The following SEZ6 variants were observed in gnomAD, a reference collection of about 807,000 sequenced individuals.
The protein encoded by SEZ6 is seizure protein 6 homolog.
A neutral mutation model predicts 101.0 loss-of-function variants in SEZ6; 53 were observed. The observed-to-expected ratio is 0.52, with a 90% CI of 0.42 to 0.66. SEZ6 has a LOEUF of 0.66. Among genes scored for constraint, SEZ6 ranks in the 30% least tolerant of loss-of-function variants. The pLI is 0.00. For synonymous variants in SEZ6, 488 were observed against 512.2 expected, an observed-to-expected ratio of 0.95 and a Z score of 0.64; for missense variants, 1,102 against 1,289.4, an observed-to-expected ratio of 0.85 and a Z score of 2.23.
rs9907950 is a variant in SEZ6, at chr17:28,959,732, G to A, written c.1737C>T (p.Asp579=). 212,426 of 1,606,332 alleles carry A rather than the reference G, an allele frequency of 0.13. 15,444 individuals carry two copies. Among genetic ancestry groups the A allele is most frequent in the African/African-American group, 0.25 (18,699 of 74,830 alleles). ...SIIIECVDPH[D]PQWNETEPAC... is the part of the protein sequence containing the mutation. ...CTGGCTCTGTCTCATTCCACTGGGG[G>A]TCGTGGGGGTCAACACACTCGATGA... is the stretch of plus-strand genomic sequence containing the variant. The change falls in exon 8 of 17, where the codon GAC becomes GAT. Residue 579 remains aspartate (D), a synonymous_variant. Transcript: ENST00000317338. The surrounding 1 kb of genome is among the most constrained non-coding windows in gnomAD (Gnocchi z 4.4).
chr17:28,958,146 G>A lies in SEZ6; in HGVS notation c.2108-5C>T, dbSNP rs1222411078. ...ATGTGTCATTGCGGGGCACCTCTGG[G>A]GGCACAGAGGCACAAGATGCAGGCC... On this transcript the variant is annotated splice_polypyrimidine_tract_variant and splice_region_variant and intron_variant, in intron 10 of 16. Coordinates refer to ENST00000317338, the MANE Select transcript of SEZ6 (RefSeq NM_178860.5). 1.3e-6 allele frequency: 2 copies of A among 1,584,280 alleles called. No homozygotes were observed. The highest frequency in any genetic ancestry group is 1.9e-4 in the Middle Eastern group (1 of 5,382).
At chr17:28,991,362 G>A (rs537319805) in intron 1 of SEZ6, among the ~76,000 whole-genome samples, 19 of 151,944 alleles carry the variant, frequency 1.3e-4, no homozygotes, top group African/African-American at 4.1e-4. Flanking sequence ...CCGCCACTAC[G>A]CCTGGCTAAT....
rs1266714006 is a variant in SEZ6 at position 28,958,033 on chromosome 17, T to A, written c.2216A>T (p.Tyr739Phe). The change falls in exon 11 of 17, where the codon TAC (tyrosine) becomes TTC (phenylalanine). Residue 739 changes from tyrosine (Y) to phenylalanine (F), a missense_variant. Coordinates refer to ENST00000317338, the MANE Select transcript of SEZ6 (RefSeq NM_178860.5). ...GGATCCCACTACCTGGTAGCCAGGG[T>A]AGCACTGGTAAGTGACCACGGTGCC... ...VHGTVVTYQC[Y>F]PGYQVVGSSV... is the part of the protein sequence containing the mutation. The A allele has an allele frequency of 1.2e-6, 2 of 1,613,932 alleles. No homozygotes were observed. The highest frequency in any genetic ancestry group is 2.2e-5 in the South Asian group (2 of 91,086).
In SEZ6 at chr17:29,005,077, T is replaced by TGG. The variant is rs1448691236; in HGVS notation, c.55+736_55+737dup. Among the ~76,000 whole-genome samples, 38 of 96,934 alleles carry TGG rather than the reference T, an allele frequency of 3.9e-4. No homozygotes were observed. The highest frequency in any genetic ancestry group is 1.4e-3 in the African/African-American group (35 of 25,886). 63.6% of individuals were successfully genotyped at this position (96,934 alleles called of 152,430 possible). On this transcript the variant is annotated intron_variant, in intron 1 of 16. Coordinates refer to ENST00000317338, the MANE Select transcript of SEZ6 (RefSeq NM_178860.5). The surrounding 1 kb of genome is among the most constrained non-coding windows in gnomAD (Gnocchi z 4.8). ...GGGAGGGAGGCAGAGCTCGGGGCAG[T>TGG]GGTGTGTGTGTGTGTGTGTGTGTGT...
chr17:28,958,578 C>T (rs2040921268), intron 10 of SEZ6, among the ~76,000 whole-genome samples: 1 of 152,016 alleles, frequency 6.6e-6, no homozygotes, highest in Admixed American at 6.5e-5. Context: ...TCACTTGAAG[C>T]CAGGAGTTCG....
At chr17:29,006,249 C>T (rs56350019), upstream of SEZ6, 25,886 of 167,554 alleles carry the variant, frequency 0.15, 2,065 homozygotes, top group Middle Eastern at 0.19. Context: ...CCCTCTTTCC[C>T]GTTAACGGCC....
intron 14 of SEZ6, 114 bp downstream of exon 14, chr17:28,956,605 A>C: frequency 6.6e-7 from 1 of 1,504,072 alleles, no homozygotes. Context: ...TTAACCTGCT[A>C]GGCCCAAACC....
At chr17:29,003,147 G>A (rs1261311596) in intron 1 of SEZ6, among the ~76,000 whole-genome samples, 2 of 152,202 alleles carry the variant, frequency 1.3e-5, no homozygotes, top group Admixed American at 1.3e-4. Context: ...TCAGAAATTA[G>A]GAGAATGACT....
At chr17:28,994,547 T>C (rs1028953764) in intron 1 of SEZ6, among the ~76,000 whole-genome samples, 30 of 152,262 alleles carry the variant, frequency 2.0e-4, no homozygotes, top group African/African-American at 7.2e-4. Context: ...GTGCTGGGAC[T>C]ACAGGCGCCC....
rs370808801 is a variant in SEZ6, at chr17:28,957,526, G to A, written c.2316C>T (p.His772=). The change falls in exon 12 of 17, where the codon CAC becomes CAT. Residue 772 remains histidine (H), a synonymous_variant. Coordinates refer to ENST00000317338, the MANE Select transcript of SEZ6 (RefSeq NM_178860.5). ...GGCTGTGCTCCACATCTCCAGGATCGTGGCAGGAAGTCACTATGGGTAGGG... is the reference window on the plus strand; with the variant it reads ...GGCTGTGCTCCACATCTCCAGGATCATGGCAGGAAGTCACTATGGGTAGGG... ...LPSCQRVTSC[H]DPGDVEHSRR... 26 of 1,612,724 alleles carry A rather than the reference G, an allele frequency of 1.6e-5. No homozygotes were observed. In the East Asian group the frequency reaches 2.2e-4, roughly 14 times the overall value.
chr17:28,985,877 C>G (rs541270214), intron 1 of SEZ6, among the ~76,000 whole-genome samples: 327 of 152,370 alleles, frequency 2.1e-3, no homozygotes, highest in Admixed American at 3.5e-3. Context: ...AGATCGTCCC[C>G]GTGATCCCCA....
chr17:28,980,947 G>A (rs781453315), intron 2 of SEZ6, among the ~76,000 whole-genome samples: 3 of 152,158 alleles, frequency 2.0e-5, no homozygotes, highest in Non-Finnish European at 2.9e-5. Context: ...CCAGGCTGGA[G>A]TGCAATGGTG....
Position 29,005,342 on chromosome 17 carries a change from AG to A in SEZ6, c.55+472del, listed in dbSNP as rs2152694894. On this transcript the variant is annotated intron_variant, in intron 1 of 16. Transcript: ENST00000317338. This position sits in a 1 kb window ranked among gnomAD's most constrained non-coding sequence, Gnocchi z 4.8. ...CATCCGGCCCCGTCTCCCCTCAGTA[AG>A]AACACTAGAGGCCCTGGAACCGGCG... is the stretch of plus-strand genomic sequence containing the variant. Among the ~76,000 whole-genome samples the A allele has an allele frequency of 6.6e-6, 1 of 152,136 alleles. No individual in the cohort carries two copies. Among genetic ancestry groups the A allele is most frequent in the South Asian group, 2.1e-4 (1 of 4,806 alleles).
chr17:28,989,225 C>A (rs908811333), intron 1 of SEZ6, among the ~76,000 whole-genome samples: 3 of 152,152 alleles, frequency 2.0e-5, no homozygotes, highest in Non-Finnish European at 4.4e-5. Context: ...TCTCACATTC[C>A]AGGATCTAGT....
intron 1 of SEZ6, among the ~76,000 whole-genome samples, chr17:28,986,883 G>T (rs923768152): frequency 6.6e-6 from 1 of 152,218 alleles, no homozygotes; most frequent in Admixed American, 6.5e-5. Flanking sequence ...GCCTCTGGAA[G>T]GGCAGGTGGC....
At position 28,955,730 on chromosome 17, in the gene SEZ6, C is replaced by T; in HGVS notation, c.*232G>A. The T allele has an allele frequency of 4.4e-6, 3 of 689,036 alleles. No homozygotes were observed. Among genetic ancestry groups the T allele is most frequent in the African/African-American group, 1.8e-5 (1 of 57,028 alleles). The allele number at this position is 689,036 out of a possible 1,614,324, so 42.7% of individuals were successfully genotyped here. On this transcript the variant is annotated 3_prime_UTR_variant, in exon 17 of 17. Transcript: ENST00000317338. Reference sequence around the variant, plus strand: ...TATGTTCTTCCCACAGGTAGATGCCCCCTGACATGGGCCCAATGAAGGGCC... The same window carrying T: ...TATGTTCTTCCCACAGGTAGATGCCTCCTGACATGGGCCCAATGAAGGGCC...
chr17:28,963,993 G>A lies in SEZ6; in HGVS notation c.1209C>T (p.Pro403=), dbSNP rs117179863. ...AGACGGGCTCCTTTGAATCCCAGAA[G>A]GGCTGGGTGGCATTGAGACAGGTGA... The part of the protein sequence containing the change: ...RHLTCLNATQ[P]FWDSKEPVCI... Residue 403 remains proline, a synonymous_variant, in exon 5 of 17, where the codon CCC becomes CCT. Coordinates refer to ENST00000317338, the MANE Select transcript of SEZ6 (RefSeq NM_178860.5). 11,468 of 1,612,492 alleles carry A rather than the reference G, an allele frequency of 7.1e-3. 63 individuals are homozygous for A. Among genetic ancestry groups the A allele is most frequent in the Middle Eastern group, 8.9e-3 (54 of 6,062 alleles).
chr17:28,984,924 T>C lies in SEZ6; in HGVS notation c.56-2885A>G, dbSNP rs189922040. Among the ~76,000 whole-genome samples the C allele has an allele frequency of 3.8e-3, 581 of 152,246 alleles. 11 individuals are homozygous for C. Among genetic ancestry groups the C allele is most frequent in the Non-Finnish European group, 3.2e-3 (215 of 68,014 alleles). On this transcript the variant is annotated intron_variant, in intron 1 of 16. Coordinates refer to ENST00000317338, the MANE Select transcript of SEZ6 (RefSeq NM_178860.5). The stretch of plus-strand genomic sequence containing the variant: ...GACAGCAGAAGAAGGTGTCAGGGGC[T>C]CTAATGCCCAGTCTCATCAGGCACT...
chr17:28,970,339 G>A (rs2041133996), intron 3 of SEZ6, among the ~76,000 whole-genome samples: 1 of 152,096 alleles, frequency 6.6e-6, no homozygotes, highest in Non-Finnish European at 1.5e-5. Context: ...GGTGTCCGAG[G>A]CCCTGGTCAG....
Sources: allele counts gnomAD v4.1 joint callset (sites outside exome capture counted in the v4.1 genomes callset), GRCh38; gene constraint gnomAD v4.1.1; non-coding constraint Gnocchi (gnomAD v3.1); transcripts MANE v1.5; gene names NCBI Gene and HGNC (gene_info 2026-07-23, HGNC 2026-07-21).